The following UEVLD variants were observed in gnomAD, a reference collection of about 807,000 sequenced individuals.
UEVLD encodes the protein ubiquitin-conjugating enzyme E2 variant 3.
UEVLD carries 47 observed loss-of-function variants against 58.6 expected under a neutral mutation model. That is an observed-to-expected ratio of 0.80 (90% confidence interval 0.63 to 1.02). The LOEUF is 1.02. UEVLD is among the 50% of genes least tolerant of loss of function. The probability of loss-of-function intolerance (pLI) is 0.00; values close to 1 mark genes in which losing one functional copy is unlikely to be tolerated. For missense variants in UEVLD, 510 were observed against 550.6 expected (o/e 0.93, Z 0.74); for synonymous variants, 197 against 195.3 (o/e 1.01, Z -0.07).
At chr11:18,544,448 C>T (rs772997788) in intron 9 of UEVLD, among the ~76,000 whole-genome samples, 175 bp downstream of exon 9, 1 of 151,982 alleles carries the variant, frequency 6.6e-6, no homozygotes, top group Non-Finnish European at 1.5e-5. Flanking sequence ...ACTGGGACTA[C>T]AGGCATGCAC....
At chr11:18,582,326 T>C (rs899889561) in intron 1 of UEVLD, among the ~76,000 whole-genome samples, 4 of 151,682 alleles carry the variant, frequency 2.6e-5, no homozygotes, top group African/African-American at 9.7e-5. Context: ...TGCTGTTTTG[T>C]TTTGACACCC....
At chr11:18,570,833 C>T (rs1478434020) in intron 3 of UEVLD, 1 of 151,876 alleles carries the variant, frequency 6.6e-6, no homozygotes, top group Non-Finnish European at 1.5e-5. Flanking sequence ...CCTATTCCCC[C>T]CCATTTCATC....
intron 2 of UEVLD, among the ~76,000 whole-genome samples, chr11:18,577,629 G>C (rs1191702096): frequency 1.3e-5 from 2 of 152,210 alleles, no homozygotes; most frequent in African/African-American, 4.8e-5. Flanking sequence ...CAGCACTTTG[G>C]GAGGCCGAGG....
At chr11:18,560,533 C>T (rs1235049039) in intron 6 of UEVLD, among the ~76,000 whole-genome samples, 1 of 152,072 alleles carries the variant, frequency 6.6e-6, no homozygotes, top group Non-Finnish European at 1.5e-5. Context: ...AATCATCCTA[C>T]AAATTTATCA....
rs192672324 is a variant in UEVLD, at chr11:18,564,376, A to C, written c.612+516T>G. On this transcript the variant is annotated intron_variant, in intron 6 of 11. Transcript: ENST00000396197. Reference sequence around the variant, plus strand: ...TGGAGGGAGGCAGGCAGGTCTTTTGAACCTCTCTGGAAGGGCATTTAAGCT... The same window carrying C: ...TGGAGGGAGGCAGGCAGGTCTTTTGCACCTCTCTGGAAGGGCATTTAAGCT... 2.6e-4 allele frequency among the ~76,000 whole-genome samples: 40 copies of C among 152,318 alleles called. 1 individual carries two copies. Among genetic ancestry groups the C allele is most frequent in the Admixed American group, 2.3e-3 (35 of 15,284 alleles).
intron 6 of UEVLD, among the ~76,000 whole-genome samples, chr11:18,560,786 T>G (rs1851994985): frequency 6.6e-6 from 1 of 151,888 alleles, no homozygotes; most frequent in Admixed American, 6.6e-5. Flanking sequence ...CAAGGCAGGT[T>G]GGTTGCCTGA....
chr11:18,568,979 C>T (rs1171100153), intron 4 of UEVLD, among the ~76,000 whole-genome samples: 1 of 152,048 alleles, frequency 6.6e-6, no homozygotes, highest in African/African-American at 2.4e-5. Flanking sequence ...ACTGCAAGCT[C>T]CACCTTCTGA....
chr11:18,585,491 T>C (rs889105254), intron 1 of UEVLD, among the ~76,000 whole-genome samples: 1 of 152,286 alleles, frequency 6.6e-6, no homozygotes, highest in South Asian at 2.1e-4. Context: ...TTTCCAAACA[T>C]GTGTGACTAC....
chr11:18,537,546 G>A (rs1850860550), intron 9 of UEVLD, among the ~76,000 whole-genome samples: 3 of 151,014 alleles, frequency 2.0e-5, no homozygotes, highest in Non-Finnish European at 4.4e-5. Context: ...AGCCAGGCAG[G>A]TCTCGAACTC....
At chr11:18,571,212 T>A (rs914615265) in intron 3 of UEVLD, among the ~76,000 whole-genome samples, 3 of 152,012 alleles carry the variant, frequency 2.0e-5, no homozygotes, top group African/African-American at 7.3e-5. Flanking sequence ...CCGGGCATGG[T>A]GGCAAGCACC....
intron 7 of UEVLD, among the ~76,000 whole-genome samples, chr11:18,557,102 A>C (rs1398269585): frequency 2.6e-5 from 4 of 151,792 alleles, no homozygotes; most frequent in Admixed American, 1.3e-4. Context: ...AAAAAAAAAA[A>C]AAAAAGAGAG....
rs1305493244 is a variant in UEVLD, at chr11:18,545,066, A to ATC, written c.887-271_887-270insGA. Among the ~76,000 whole-genome samples, 87 of 40,184 alleles carry ATC rather than the reference A, an allele frequency of 2.2e-3. 2 individuals are homozygous for ATC. The highest frequency in any genetic ancestry group is 7.6e-3 in the African/African-American group (80 of 10,588). The allele number at this position is 40,184 out of a possible 152,430, so 26.4% of individuals were successfully genotyped here. Reference sequence around the variant, plus strand: ...TCTATCTATATCTATATCTATATCTATATCTATATTTTTTTTTTTTTTTTG... The same window carrying ATC: ...TCTATCTATATCTATATCTATATCTATCTATCTATATTTTTTTTTTTTTTTTG... On this transcript the variant is annotated intron_variant, in intron 8 of 11. Transcript: ENST00000396197.
intron 1 of UEVLD, among the ~76,000 whole-genome samples, chr11:18,581,649 A>G (rs1368022739): frequency 1.3e-5 from 2 of 150,794 alleles, no homozygotes; most frequent in African/African-American, 4.9e-5. Context: ...ACCTCACTGC[A>G]CTCTAGTGAC....
intron 7 of UEVLD, among the ~76,000 whole-genome samples, chr11:18,551,153 G>A (rs368554964): frequency 1.6e-4 from 25 of 152,280 alleles, no homozygotes; most frequent in African/African-American, 4.6e-4. Context: ...GATAGGCCGG[G>A]TGCAGTGGCT....
At chr11:18,560,120 CACACACACACACACACACAGAGAG>C in intron 6 of UEVLD, among the ~76,000 whole-genome samples, 1 of 97,566 alleles carries the variant, frequency 1.0e-5, no homozygotes, top group East Asian at 4.3e-4. Flanking sequence ...CACACACACA[CACACACACACACACACACAGAGAG>C]AGAAAGAAAA....
intron 5 of UEVLD, 111 bp downstream of exon 5, chr11:18,566,236 C>G: frequency 6.9e-7 from 1 of 1,452,922 alleles, no homozygotes; most frequent in African/African-American, 1.4e-5. Flanking sequence ...AACAGATGTA[C>G]ATACGCACAC....
At chr11:18,540,712 T>A (rs1283096263) in intron 9 of UEVLD, among the ~76,000 whole-genome samples, 1 of 152,206 alleles carries the variant, frequency 6.6e-6, no homozygotes, top group East Asian at 1.9e-4. Flanking sequence ...TGCACCTACA[T>A]CTCTCTATTT....
Position 18,537,854 on chromosome 11 carries a change from G to A in UEVLD, c.1061-1385C>T, listed in dbSNP as rs150611834. Among the ~76,000 whole-genome samples, 576 of 151,834 alleles carry A rather than the reference G, an allele frequency of 3.8e-3. 3 individuals carry two copies. Among genetic ancestry groups the A allele is most frequent in the African/African-American group, 0.013 (553 of 41,368 alleles). ...ATTTTTGTATTTTTAGTAGAGACAG[G>A]ATTTCACCATGTTGGCCAGGCTGGT... On this transcript the variant is annotated intron_variant, in intron 9 of 11. Transcript: ENST00000396197.
chr11:18,546,966 T>C lies in UEVLD; in HGVS notation c.800A>G (p.Gln267Arg). The C allele has an allele frequency of 6.2e-7, 1 of 1,614,218 alleles. No homozygotes were observed. The highest frequency in any genetic ancestry group is 8.5e-7 in the Non-Finnish European group (1 of 1,180,038). Reference protein sequence around the residue: ...GSSQSYLDVVQSNVDMFRALV... With the variant: ...GSSQSYLDVVRSNVDMFRALV... ...GGCTCTGAACATATCCACATTGCTC[T>C]GTACCACATCAAGGTACGACTGAGA... Residue 267 changes from glutamine (Q) to arginine (R), a missense_variant, in exon 8 of 12, where the codon CAG becomes CGG. Physicochemically the swap from Gln to Arg is conservative, Grantham distance 43. Transcript: ENST00000396197.
Sources: allele counts gnomAD v4.1 joint callset (sites outside exome capture counted in the v4.1 genomes callset), GRCh38; gene constraint gnomAD v4.1.1; transcripts MANE v1.5; gene names NCBI Gene and HGNC (gene_info 2026-07-23, HGNC 2026-07-21).